Variants in ATP2B1 observed in about 807,000 individuals in gnomAD.
The protein encoded by ATP2B1 is plasma membrane calcium-transporting ATPase 1.
Under a neutral mutation model 124.2 loss-of-function variants are expected in ATP2B1, and 14 were observed. The ratio of observed to expected loss-of-function variants is 0.11; its 90% confidence interval spans 0.07 to 0.18. The LOEUF (loss-of-function observed/expected upper bound fraction) is 0.18. ATP2B1 is among the 10% of genes least tolerant of loss of function. The probability of loss-of-function intolerance (pLI) is 1.00; values close to 1 mark genes in which losing one functional copy is unlikely to be tolerated. For synonymous variants in ATP2B1, 449 were observed against 492.4 expected (o/e 0.91, Z 1.17); for missense variants, 763 against 1,466.1 (o/e 0.52, Z 7.83).
At chr12:89,600,487 CTTTAT>C (rs1034028417) in intron 19 of ATP2B1, among the ~76,000 whole-genome samples, 2 of 152,066 alleles carry the variant, frequency 1.3e-5, no homozygotes, top group African/African-American at 2.4e-5. Flanking sequence ...ATTTCAGGCA[CTTTAT>C]TTCATATATA....
chr12:89,670,966 A>AAGG (rs994200797), intron 1 of ATP2B1, among the ~76,000 whole-genome samples: 1 of 140,368 alleles, frequency 7.1e-6, no homozygotes, highest in Admixed American at 7.1e-5. Flanking sequence ...AAAAAAAAAA[A>AAGG]GGGGTGGGGG....
At chr12:89,646,775 T>A (rs1884510152) in intron 2 of ATP2B1, among the ~76,000 whole-genome samples, 1 of 152,064 alleles carries the variant, frequency 6.6e-6, no homozygotes, top group Non-Finnish European at 1.5e-5. Flanking sequence ...TCCAAGAGTG[T>A]GATCCAGTGG....
At chr12:89,605,464 T>C (rs990616740) in intron 15 of ATP2B1, among the ~76,000 whole-genome samples, 3 of 152,168 alleles carry the variant, frequency 2.0e-5, no homozygotes, top group African/African-American at 4.8e-5. Flanking sequence ...TTGTGCTCAC[T>C]TGCGGTGTTC....
At position 89,611,384 on chromosome 12, in the gene ATP2B1, T is replaced by C; in HGVS notation, c.2068-12A>G. The C allele has an allele frequency of 8.4e-7, 1 of 1,192,552 alleles. No individual in the cohort carries two copies. The highest frequency in any genetic ancestry group is 3.1e-5 in the East Asian group (1 of 32,518). The allele number at this position is 1,192,552 out of a possible 1,614,324, so 73.9% of individuals were successfully genotyped here. Reference sequence around the variant, plus strand: ...ATTGCATCTGGCACCTGGTTTACATTAAAAAAAAAAATTACAAAGTTAATT... The same window carrying C: ...ATTGCATCTGGCACCTGGTTTACATCAAAAAAAAAAATTACAAAGTTAATT... On this transcript the variant is annotated splice_polypyrimidine_tract_variant and intron_variant, in intron 12 of 20. Coordinates refer to ENST00000428670, the MANE Select transcript of ATP2B1 (RefSeq NM_001366521.1).
At chr12:89,664,322 C>T (rs1017253295) in intron 1 of ATP2B1, among the ~76,000 whole-genome samples, 25 of 152,234 alleles carry the variant, frequency 1.6e-4, no homozygotes, top group African/African-American at 5.8e-4. Context: ...TTCATTCATG[C>T]CAACAAAGTA....
intron 20 of ATP2B1, chr12:89,598,492 G>T (rs984122467): frequency 2.2e-6 from 3 of 1,359,400 alleles, no homozygotes; most frequent in Non-Finnish European, 3.0e-6. Context: ...TTATGAAAAA[G>T]CCTGAACAAT....
chr12:89,596,098 A>G (rs1812685022), intron 20 of ATP2B1, among the ~76,000 whole-genome samples: 1 of 152,124 alleles, frequency 6.6e-6, no homozygotes, highest in Admixed American at 6.6e-5. Context: ...GATTGCTTTG[A>G]TATTTAATAT....
chr12:89,624,136 C>A (rs1358700709), intron 9 of ATP2B1, 47 bp downstream of exon 9: 8 of 1,550,794 alleles, frequency 5.2e-6, no homozygotes, highest in Non-Finnish European at 6.2e-6. Context: ...TCTATACCAG[C>A]TAAGGCTTTA....
At chr12:89,666,921 C>G (rs1379709161) in intron 1 of ATP2B1, among the ~76,000 whole-genome samples, 3 of 152,078 alleles carry the variant, frequency 2.0e-5, no homozygotes, top group Non-Finnish European at 2.9e-5. Flanking sequence ...AGCCAATATT[C>G]AGATACATTC....
At chr12:89,694,479 C>T (rs1890893476) in intron 1 of ATP2B1, among the ~76,000 whole-genome samples, 1 of 152,144 alleles carries the variant, frequency 6.6e-6, no homozygotes, top group Non-Finnish European at 1.5e-5. Flanking sequence ...GTATCAAATA[C>T]ATTGAAGGGG....
chr12:89,591,192 A>G lies in ATP2B1; in HGVS notation c.3455T>C (p.Ile1152Thr), dbSNP rs375435006. ...GGGGATATGAGGCTCTGAATCTTCT[A>G]TCCTAAACTCAGGATGTGTCATAAA... ...HNFMTHPEFR[I>T]EDSEPHIPLI... Residue 1152 changes from isoleucine (I) to threonine (T), a missense_variant, in exon 21 of 21, where the codon ATA becomes ACA. Transcript: ENST00000428670. 4 of 1,613,222 alleles carry G rather than the reference A, an allele frequency of 2.5e-6. No individual in the cohort carries two copies. Among genetic ancestry groups the G allele is most frequent in the Non-Finnish European group, 3.4e-6 (4 of 1,179,424 alleles).
In ATP2B1 at chr12:89,611,384, T is replaced by TA. The variant is rs200552919; in HGVS notation, c.2068-13dup. 23,671 of 1,080,424 alleles carry TA rather than the reference T, an allele frequency of 0.022. 5 individuals carry two copies. The highest frequency in any genetic ancestry group is 0.037 in the South Asian group (2,032 of 54,548). The allele number at this position is 1,080,424 out of a possible 1,614,324, so 66.9% of individuals were successfully genotyped here. A position where few individuals can be genotyped will look rare whatever the true frequency, so the allele number is the denominator to read the frequency against. On this transcript the variant is annotated splice_polypyrimidine_tract_variant and intron_variant, in intron 12 of 20. Transcript: ENST00000428670. ...ATTGCATCTGGCACCTGGTTTACAT[T>TA]AAAAAAAAAAATTACAAAGTTAATT...
intron 5 of ATP2B1, among the ~76,000 whole-genome samples, chr12:89,633,045 G>A (rs1289304534): frequency 6.6e-6 from 1 of 152,086 alleles, no homozygotes; most frequent in East Asian, 1.9e-4. Flanking sequence ...TACACATTGT[G>A]GTCTGGTTAA....
At chr12:89,651,506 G>A (rs1275309578) in intron 2 of ATP2B1, among the ~76,000 whole-genome samples, 2 of 151,942 alleles carry the variant, frequency 1.3e-5, no homozygotes, top group Non-Finnish European at 2.9e-5. Flanking sequence ...GGGTTCAAAC[G>A]ATCCTCCCAC....
At chr12:89,702,080 C>T (rs2136872702) in intron 1 of ATP2B1, among the ~76,000 whole-genome samples, 1 of 152,284 alleles carries the variant, frequency 6.6e-6, no homozygotes, top group East Asian at 1.9e-4. Flanking sequence ...TGAGATGTTC[C>T]ACTAAAGGGA....
chr12:89,601,634 A>G (rs1875865941), intron 18 of ATP2B1, among the ~76,000 whole-genome samples: 1 of 152,174 alleles, frequency 6.6e-6, no homozygotes, highest in African/African-American at 2.4e-5. Flanking sequence ...TGCCTCTTAG[A>G]AAAAAAGACA....
Position 89,619,873 on chromosome 12 carries a change from T to TA in ATP2B1, c.1829+125dup, listed in dbSNP as rs542332433. 256 of 1,247,872 alleles carry TA rather than the reference T, an allele frequency of 2.1e-4. 1 individual carries two copies. In the African/African-American group the frequency reaches 3.4e-3, roughly 16 times the overall value. 77.3% of individuals were successfully genotyped at this position (1,247,872 alleles called of 1,614,324 possible). A position where few individuals can be genotyped will look rare whatever the true frequency, so the allele number is the denominator to read the frequency against. On this transcript the variant is annotated intron_variant, in intron 11 of 20. Coordinates refer to ENST00000428670, the MANE Select transcript of ATP2B1 (RefSeq NM_001366521.1). ...AATATCTGGATACCATAAAATATGCTAAAAAACTCTGAGGTCCTATCAAAT... is the reference window on the plus strand; with the variant it reads ...AATATCTGGATACCATAAAATATGCTAAAAAAACTCTGAGGTCCTATCAAAT...
rs1198368029 is a variant in ATP2B1, at chr12:89,642,155, T to C, written c.406+3A>G. On this transcript the variant is annotated splice_donor_region_variant and intron_variant, in intron 3 of 20. Transcript: ENST00000428670. ...CATGTCTTTTTTCCCCCCATTTACTTACGTGCATTATCCCCTTCTGGAGGC... is the reference window on the plus strand; with the variant it reads ...CATGTCTTTTTTCCCCCCATTTACTCACGTGCATTATCCCCTTCTGGAGGC... 6.2e-7 allele frequency: 1 copy of C among 1,607,998 alleles called. No individual in the cohort carries two copies. The highest frequency in any genetic ancestry group is 1.1e-5 in the South Asian group (1 of 90,144).
intron 12 of ATP2B1, chr12:89,612,286 C>T (rs564424190): frequency 1.5e-4 from 23 of 152,128 alleles, no homozygotes; most frequent in African/African-American, 4.8e-4. Context: ...GTGTTTGTGC[C>T]TGTGCTACTA....
Sources: allele counts gnomAD v4.1 joint callset (sites outside exome capture counted in the v4.1 genomes callset), GRCh38; gene constraint gnomAD v4.1.1; transcripts MANE v1.5; gene names NCBI Gene and HGNC (gene_info 2026-07-23, HGNC 2026-07-21).